The following CCDC91 variants were observed in gnomAD, a reference collection of about 807,000 sequenced individuals.
CCDC91 encodes the protein coiled-coil domain-containing protein 91.
CCDC91 carries 48 observed loss-of-function variants against 63.2 expected under a neutral mutation model. The ratio of observed to expected loss-of-function variants is 0.76; its 90% CI spans 0.60 to 0.97. CCDC91 has a LOEUF of 0.97. CCDC91 is among the 50% of genes least tolerant of loss of function. The pLI is 0.00. For missense variants in CCDC91, 500 were observed against 494.6 expected, an observed-to-expected ratio of 1.01 and a Z score of -0.10; for synonymous variants, 167 against 165.8, an observed-to-expected ratio of 1.01 and a Z score of -0.06.
rs1946193299 is a variant in CCDC91 at position 28,394,859 on chromosome 12, G to C, written c.762+3448G>C. 2.0e-5 allele frequency among the ~76,000 whole-genome samples: 3 copies of C among 152,012 alleles called. No homozygotes were observed. The South Asian group carries it at 6.2e-4, about 32-fold the overall frequency. On this transcript the variant is annotated intron_variant, in intron 8 of 12. Coordinates refer to ENST00000536442, the MANE Select transcript of CCDC91 (RefSeq NM_018318.5). The stretch of plus-strand genomic sequence containing the variant: ...TTAGGGCAAGTCTCTTAATCTCTCT[G>C]TGCCTCATTTTTTTCCTCTATGGAT...
At chr12:28,455,607 G>A (rs1454409797) in intron 11 of CCDC91, among the ~76,000 whole-genome samples, 1 of 151,654 alleles carries the variant, frequency 6.6e-6, no homozygotes, top group Non-Finnish European at 1.5e-5. Context: ...CCATGTTCAA[G>A]TTTCATTAAG....
At chr12:28,294,404 C>G (rs1423922233) in intron 3 of CCDC91, among the ~76,000 whole-genome samples, 2 of 152,052 alleles carry the variant, frequency 1.3e-5, no homozygotes, top group Non-Finnish European at 1.5e-5. Context: ...GCATGCTGTT[C>G]TTGTGGTAAT....
intron 3 of CCDC91, among the ~76,000 whole-genome samples, chr12:28,281,418 G>A (rs1565726855): frequency 6.6e-6 from 1 of 152,118 alleles, no homozygotes; most frequent in African/African-American, 2.4e-5. Flanking sequence ...CCTTTACTAG[G>A]GAAGTCTCAA....
At chr12:28,378,366 A>G (rs1945077297) in intron 7 of CCDC91, among the ~76,000 whole-genome samples, 1 of 152,096 alleles carries the variant, frequency 6.6e-6, no homozygotes, top group Non-Finnish European at 1.5e-5. Flanking sequence ...TCCACTTGCT[A>G]GTATTTTATT....
chr12:28,216,769 AG>A (rs1435499028), intron 1 of CCDC91, among the ~76,000 whole-genome samples: 1 of 152,036 alleles, frequency 6.6e-6, no homozygotes, highest in East Asian at 1.9e-4. Context: ...TGTTCAGGAG[AG>A]AAAATCGTTG....
intron 12 of CCDC91, among the ~76,000 whole-genome samples, chr12:28,491,860 T>TG (rs1952020051): frequency 1.0e-4 from 7 of 68,996 alleles, no homozygotes; most frequent in Admixed American, 3.0e-4. Context: ...AGTCAAAAAT[T>TG]TTGTGTGTGT....
At chr12:28,206,102 G>A (rs1367206176) in intron 1 of CCDC91, among the ~76,000 whole-genome samples, 1 of 152,136 alleles carries the variant, frequency 6.6e-6, no homozygotes, top group African/African-American at 2.4e-5. Context: ...TAGGATCTAT[G>A]TGTTTCCTTA....
chr12:28,463,174 C>G (rs1263976248), intron 11 of CCDC91, among the ~76,000 whole-genome samples: 1 of 152,012 alleles, frequency 6.6e-6, no homozygotes, highest in Non-Finnish European at 1.5e-5. Context: ...AATTTGAGAT[C>G]GAGTGAAATA....
At position 28,420,430 on chromosome 12, in the gene CCDC91, T is replaced by C. The variant is rs375424379; in HGVS notation, c.762+29019T>C. Among the ~76,000 whole-genome samples, 7 of 152,286 alleles carry C rather than the reference T, an allele frequency of 4.6e-5. No individual in the cohort carries two copies. In the South Asian group the frequency reaches 8.3e-4, roughly 18 times the overall value. On this transcript the variant is annotated intron_variant, in intron 8 of 12. Transcript: ENST00000536442. ...TTTTATTTAAAATATTTTTGTGTTA[T>C]TTTTCCTACTTTAAAAGTCTGATAA...
chr12:28,499,610 G>A (rs1952513256), intron 12 of CCDC91, among the ~76,000 whole-genome samples: 1 of 151,444 alleles, frequency 6.6e-6, no homozygotes, highest in Admixed American at 6.6e-5. Context: ...GCAGTATTTG[G>A]TTTTCTGTTC....
At chr12:28,326,824 C>T (rs10843154) in intron 6 of CCDC91, among the ~76,000 whole-genome samples, 1 of 151,864 alleles carries the variant, frequency 6.6e-6, no homozygotes, top group South Asian at 2.1e-4. Context: ...AGGTCCCCCC[C>T]AAAATGGGTT....
At chr12:28,539,488 C>T (rs1202979000) in intron 12 of CCDC91, among the ~76,000 whole-genome samples, 2 of 152,122 alleles carry the variant, frequency 1.3e-5, no homozygotes, top group African/African-American at 4.8e-5. Flanking sequence ...GTACCAGTAC[C>T]ATGCTGTTTT....
chr12:28,375,913 A>G (rs1944914526), intron 7 of CCDC91, among the ~76,000 whole-genome samples: 1 of 151,864 alleles, frequency 6.6e-6, no homozygotes, highest in African/African-American at 2.4e-5. Flanking sequence ...GAGGAACTGT[A>G]TTAGCATGAT....
chr12:28,447,650 A>G (rs1292590586), intron 8 of CCDC91, among the ~76,000 whole-genome samples: 2 of 146,150 alleles, frequency 1.4e-5, no homozygotes, highest in Non-Finnish European at 3.0e-5. Flanking sequence ...CAGGAGTTCA[A>G]GTCCAGTCTG....
At chr12:28,275,137 G>T (rs1410415629) in intron 3 of CCDC91, among the ~76,000 whole-genome samples, 2 of 152,002 alleles carry the variant, frequency 1.3e-5, no homozygotes, top group Admixed American at 6.6e-5. Context: ...AATTGAAGGC[G>T]ATAGAGACAC....
At chr12:28,545,840 A>G (rs746192320) in intron 12 of CCDC91, among the ~76,000 whole-genome samples, 1 of 152,116 alleles carries the variant, frequency 6.6e-6, no homozygotes. Flanking sequence ...ACAAATTCAG[A>G]TTATTGTTAC....
intron 11 of CCDC91, among the ~76,000 whole-genome samples, chr12:28,462,888 G>C (rs1950374767): frequency 6.6e-6 from 1 of 152,106 alleles, no homozygotes; most frequent in African/African-American, 2.4e-5. Flanking sequence ...TTTCAGGAAA[G>C]GCTCCTAGAG....
intron 3 of CCDC91, among the ~76,000 whole-genome samples, chr12:28,302,339 G>A (rs1326914616): frequency 4.6e-5 from 7 of 151,954 alleles, no homozygotes; most frequent in Non-Finnish European, 1.5e-5. Flanking sequence ...TAACTTCAAT[G>A]ACAACTTCCA....
At chr12:28,488,610 G>A (rs1208298834) in intron 12 of CCDC91, among the ~76,000 whole-genome samples, 1 of 151,720 alleles carries the variant, frequency 6.6e-6, no homozygotes, top group East Asian at 1.9e-4. Context: ...CAACTTTACT[G>A]TGGAATCAAA....
Sources: allele counts gnomAD v4.1 joint callset (sites outside exome capture counted in the v4.1 genomes callset), GRCh38; gene constraint gnomAD v4.1.1; transcripts MANE v1.5; gene names NCBI Gene and HGNC (gene_info 2026-07-23, HGNC 2026-07-21).